The following SATB2 variants were observed in gnomAD, a reference collection of about 807,000 sequenced individuals.
The protein encoded by SATB2 is SATB homeobox 2, also known as DNA-binding protein SATB2.
In SATB2, 1 loss-of-function variant was observed where a neutral mutation model predicts 73.4. The ratio of observed to expected loss-of-function variants is 0.01; its 90% confidence interval spans 0.00 to 0.06. The LOEUF is 0.06. SATB2 is among the 10% of genes least tolerant of loss of function. The pLI is 1.00. For missense variants in SATB2, 459 were observed against 945.8 expected (o/e 0.49, Z 6.75); for synonymous variants, 397 against 367.0 (o/e 1.08, Z -0.93).
chr2:199,466,038 A>C (rs939542297), upstream of SATB2, among the ~76,000 whole-genome samples: 1 of 152,170 alleles, frequency 6.6e-6, no homozygotes. Flanking sequence ...TAGCTAGAAA[A>C]GTGGTGGGCT....
At chr2:199,321,235 G>T (rs1284040313) in intron 9 of SATB2, among the ~76,000 whole-genome samples, 1 of 151,566 alleles carries the variant, frequency 6.6e-6, no homozygotes, top group Non-Finnish European at 1.5e-5. Context: ...AGTCTATAAG[G>T]TGTATATATA....
At chr2:199,298,377 T>C (rs1462465961) in intron 10 of SATB2, among the ~76,000 whole-genome samples, 1 of 152,200 alleles carries the variant, frequency 6.6e-6, no homozygotes, top group Non-Finnish European at 1.5e-5. Flanking sequence ...TCGCCATGCT[T>C]CCAGCAGAGA....
rs1164818808 is a variant in SATB2 at position 199,272,123 on chromosome 2, C to CA, written c.*87dup. 1 of 1,381,540 alleles carries CA rather than the reference C, an allele frequency of 7.2e-7. No individual in the cohort carries two copies. Among genetic ancestry groups the CA allele is most frequent in the Non-Finnish European group, 1.0e-6 (1 of 980,032 alleles). The allele number at this position is 1,381,540 out of a possible 1,614,324, so 85.6% of individuals were successfully genotyped here. A position where few individuals can be genotyped will look rare whatever the true frequency, so the allele number is the denominator to read the frequency against. On this transcript the variant is annotated 3_prime_UTR_variant, in exon 11 of 11. Coordinates refer to ENST00000417098, the MANE Select transcript of SATB2 (RefSeq NM_001172509.2). The surrounding 1 kb of genome is among the most constrained non-coding windows in gnomAD (Gnocchi z 6.7). ...AGCCAAAAAAACCCAAAAACAAAAA[C>CA]AAAAAACAAACTAACAAAAAACTTT...
At chr2:199,387,923 T>A (rs1690010131) in intron 3 of SATB2, among the ~76,000 whole-genome samples, 1 of 152,206 alleles carries the variant, frequency 6.6e-6, no homozygotes. Context: ...AGAGCTGACA[T>A]TTCACCAAAA....
At chr2:199,387,361 C>T (rs965217952) in intron 3 of SATB2, among the ~76,000 whole-genome samples, 1 of 152,312 alleles carries the variant, frequency 6.6e-6, no homozygotes, top group Non-Finnish European at 1.5e-5. Context: ...AGTGTCTGGA[C>T]ATTTAATGTT....
intron 10 of SATB2, among the ~76,000 whole-genome samples, chr2:199,293,501 A>C (rs1328462081): frequency 6.6e-6 from 1 of 152,084 alleles, no homozygotes; most frequent in Non-Finnish European, 1.5e-5. Flanking sequence ...CACAGAACAA[A>C]CCTATTATTA....
intron 7 of SATB2, among the ~76,000 whole-genome samples, chr2:199,337,964 T>C (rs2105808324): frequency 6.6e-6 from 1 of 152,338 alleles, no homozygotes; most frequent in South Asian, 2.1e-4. Flanking sequence ...AATTTAAAGC[T>C]AGTGCTTCCT....
At chr2:199,441,924 A>G (rs1160657358) in intron 2 of SATB2, among the ~76,000 whole-genome samples, 6 of 152,180 alleles carry the variant, frequency 3.9e-5, no homozygotes, top group Non-Finnish European at 7.3e-5. Context: ...TCTAAACAAA[A>G]GAAGCCTGAG....
chr2:199,374,009 C>T (rs1206633634), intron 5 of SATB2, among the ~76,000 whole-genome samples: 1 of 152,162 alleles, frequency 6.6e-6, no homozygotes, highest in Non-Finnish European at 1.5e-5. Context: ...TCTGCTGACC[C>T]AATTGGCTGC....
intron 8 of SATB2, among the ~76,000 whole-genome samples, chr2:199,327,348 G>A (rs1001146013): frequency 6.6e-6 from 1 of 152,128 alleles, no homozygotes; most frequent in Non-Finnish European, 1.5e-5. Context: ...GGCCGAGGCA[G>A]GAGAATCACT....
At chr2:199,354,246 C>T (rs1020666444) in intron 6 of SATB2, among the ~76,000 whole-genome samples, 1 of 152,106 alleles carries the variant, frequency 6.6e-6, no homozygotes, top group Non-Finnish European at 1.5e-5. Flanking sequence ...ATCCCAACTA[C>T]TTAGGAGGCT....
At chr2:199,427,727 T>C (rs556518171) in intron 3 of SATB2, among the ~76,000 whole-genome samples, 2 of 152,220 alleles carry the variant, frequency 1.3e-5, no homozygotes, top group Admixed American at 1.3e-4. Context: ...AATTTGTATA[T>C]GTTGCATGTT....
chr2:199,321,630 C>T (rs1049683338), intron 9 of SATB2, among the ~76,000 whole-genome samples: 4 of 151,602 alleles, frequency 2.6e-5, no homozygotes, highest in Non-Finnish European at 5.9e-5. Flanking sequence ...ATATATATGC[C>T]ATGTACCAAA....
intron 10 of SATB2, among the ~76,000 whole-genome samples, chr2:199,277,236 T>C (rs144162919): frequency 3.3e-5 from 5 of 152,330 alleles, no homozygotes; most frequent in African/African-American, 9.6e-5. Flanking sequence ...AAATATTCTC[T>C]ATATTGACCT....
At chr2:199,328,546 A>T (rs1656680600) in intron 8 of SATB2, 152 bp downstream of exon 8, 1 of 588,936 alleles carries the variant, frequency 1.7e-6, no homozygotes, top group Admixed American at 3.5e-5. Flanking sequence ...ATCTCAAAAA[A>T]ATTAAAATAA....
Position 199,381,929 on chromosome 2 carries a change from C to A in SATB2, c.347-109G>T, listed in dbSNP as rs1407091338. ...TTCAATCATCAACATCCAAGGCCCA[C>A]TCAGATATTTTACAACCCAGTGCAA... On this transcript the variant is annotated intron_variant, in intron 3 of 10. Transcript: ENST00000417098. The A allele has an allele frequency of 3.9e-6, 5 of 1,281,720 alleles. No homozygotes were observed. The East Asian group carries it at 1.3e-4, about 32-fold the overall frequency. 79.4% of individuals were successfully genotyped at this position (1,281,720 alleles called of 1,614,324 possible).
intron 2 of SATB2, among the ~76,000 whole-genome samples, chr2:199,448,588 T>C (rs1236316276): frequency 2.0e-5 from 3 of 152,184 alleles, no homozygotes; most frequent in Non-Finnish European, 4.4e-5. Context: ...ATCTTAGCAC[T>C]TTGGAAAACA....
chr2:199,398,640 A>C (rs951919775), intron 3 of SATB2, among the ~76,000 whole-genome samples: 2 of 152,188 alleles, frequency 1.3e-5, no homozygotes, highest in Non-Finnish European at 2.9e-5. Context: ...TCCACCTCAA[A>C]GGGTTTTTGA....
rs184958072 is a variant in SATB2 at position 199,272,781 on chromosome 2, T to C, written c.1741-109A>G. On this transcript the variant is annotated intron_variant, in intron 10 of 10. Transcript: ENST00000417098. The surrounding 1 kb of genome is among the most constrained non-coding windows in gnomAD (Gnocchi z 6.7). ...TCTATCTAGCACTGGAGGTAAGCTATAGTCATTTGTAAAGTCAGGTCTTTG... is the reference window on the plus strand; with the variant it reads ...TCTATCTAGCACTGGAGGTAAGCTACAGTCATTTGTAAAGTCAGGTCTTTG... 4.0e-4 allele frequency: 405 copies of C among 1,022,150 alleles called. No homozygotes were observed. Among genetic ancestry groups the C allele is most frequent in the Non-Finnish European group, 5.7e-4 (376 of 657,388 alleles). 63.3% of individuals were successfully genotyped at this position (1,022,150 alleles called of 1,614,324 possible). A position where few individuals can be genotyped will look rare whatever the true frequency, so the allele number is the denominator to read the frequency against.
Sources: allele counts gnomAD v4.1 joint callset (sites outside exome capture counted in the v4.1 genomes callset), GRCh38; gene constraint gnomAD v4.1.1; non-coding constraint Gnocchi (gnomAD v3.1); transcripts MANE v1.5; gene names NCBI Gene and HGNC (gene_info 2026-07-23, HGNC 2026-07-21).